The following ZMYM4 variants were observed in gnomAD, a reference collection of about 807,000 sequenced individuals.
ZMYM4 encodes zinc finger MYM-type containing 4.
ZMYM4 carries 31 observed loss-of-function variants against 183.2 expected under a neutral mutation model. That is an observed-to-expected ratio of 0.17 (90% CI 0.13 to 0.23). The LOEUF (loss-of-function observed/expected upper bound fraction) is 0.23. Among genes scored for constraint, ZMYM4 ranks in the 10% least tolerant of loss-of-function variants. The pLI, the probability that ZMYM4 is intolerant of heterozygous loss-of-function variation, is 1.00. For missense variants in ZMYM4, 1,273 were observed against 1,840.3 expected (o/e 0.69, Z 5.64); for synonymous variants, 592 against 631.2 (o/e 0.94, Z 0.93).
intron 1 of ZMYM4, among the ~76,000 whole-genome samples, chr1:35,286,794 TTTTTTTTTTTTTTTTTG>T (rs1640518924): frequency 6.7e-5 from 7 of 104,736 alleles, no homozygotes; most frequent in African/African-American, 2.7e-4. Context: ...TTTTTTTTTT[TTTTTTTTTTTTTTTTTG>T]TAGAGACAGG....
In ZMYM4 at chr1:35,361,519, A is replaced by G. The variant is rs1458657779; in HGVS notation, c.670-100A>G. The G allele has an allele frequency of 2.7e-5, 36 of 1,343,154 alleles. No homozygotes were observed. The East Asian group carries it at 8.7e-4, about 32-fold the overall frequency. 83.2% of individuals were successfully genotyped at this position (1,343,154 alleles called of 1,614,324 possible). On this transcript the variant is annotated intron_variant, in intron 4 of 29. Transcript: ENST00000314607. Reference sequence around the variant, plus strand: ...GATCCAAAAGCTAATGAATGTCCATAGAGTTCTTCATTTCCAATGAGCTTT... The same window carrying G: ...GATCCAAAAGCTAATGAATGTCCATGGAGTTCTTCATTTCCAATGAGCTTT...
chr1:35,399,902 GGA>G (rs1363270503), intron 23 of ZMYM4: 1 of 177,108 alleles, frequency 5.6e-6, no homozygotes. Context: ...GAGTACTTTG[GGA>G]GGCCAAGGCA....
rs76600651 is a variant in ZMYM4, at chr1:35,325,289, G to A, written c.40-71G>A. ...AAATTACAGCTCCTTGGGGAATAGG[G>A]AGGGATACCAAAAGAATGTATGATA... On this transcript the variant is annotated intron_variant, in intron 1 of 29. Coordinates refer to ENST00000314607, the MANE Select transcript of ZMYM4 (RefSeq NM_005095.3). The A allele has an allele frequency of 2.6e-3, 3,638 of 1,405,772 alleles. 75 individuals are homozygous for A. The African/African-American group carries it at 0.047, about 18-fold the overall frequency. The allele number at this position is 1,405,772 out of a possible 1,614,324, so 87.1% of individuals were successfully genotyped here. A position where few individuals can be genotyped will look rare whatever the true frequency, so the allele number is the denominator to read the frequency against.
Position 35,419,696 on chromosome 1 carries a change from A to G in ZMYM4, c.*19A>G. Reference sequence around the variant, plus strand: ...AGATTAAAACGGAAGTGAGGTTCTTATTTTCATACATATTGGTATGCACCA... The same window carrying G: ...AGATTAAAACGGAAGTGAGGTTCTTGTTTTCATACATATTGGTATGCACCA... On this transcript the variant is annotated 3_prime_UTR_variant, in exon 30 of 30. Coordinates refer to ENST00000314607, the MANE Select transcript of ZMYM4 (RefSeq NM_005095.3). 1 of 1,612,892 alleles carries G rather than the reference A, an allele frequency of 6.2e-7. No homozygotes were observed. The highest frequency in any genetic ancestry group is 8.5e-7 in the Non-Finnish European group (1 of 1,179,148).
chr1:35,369,319 T>C (rs2148931861), intron 5 of ZMYM4, among the ~76,000 whole-genome samples: 1 of 152,306 alleles, frequency 6.6e-6, no homozygotes, highest in Middle Eastern at 3.4e-3. Context: ...TGGTTACTCA[T>C]GACTTAAAAT....
intron 1 of ZMYM4, 114 bp from the exon 2 acceptor site, chr1:35,325,246 A>C: frequency 3.3e-6 from 3 of 902,762 alleles, no homozygotes; most frequent in Non-Finnish European, 4.9e-6. Context: ...TATATTGTGC[A>C]CTTGTCATTT....
At chr1:35,336,846 T>C (rs1404246042) in intron 2 of ZMYM4, among the ~76,000 whole-genome samples, 3 of 152,254 alleles carry the variant, frequency 2.0e-5, no homozygotes, top group Non-Finnish European at 4.4e-5. Context: ...CTCATGTCTC[T>C]ACAAAAGGGA....
At chr1:35,319,357 C>T (rs752584165) in intron 1 of ZMYM4, among the ~76,000 whole-genome samples, 1 of 151,642 alleles carries the variant, frequency 6.6e-6, no homozygotes, top group Non-Finnish European at 1.5e-5. Context: ...GGTGTGGTGG[C>T]TCATGCTTGC....
chr1:35,292,549 G>C (rs938964231), intron 1 of ZMYM4: 31 of 152,496 alleles, frequency 2.0e-4, no homozygotes, highest in African/African-American at 7.2e-4. Flanking sequence ...CCAGCCTGGA[G>C]TGCAATGGCA....
intron 5 of ZMYM4, 77 bp downstream of exon 5, chr1:35,361,866 A>C: frequency 6.6e-7 from 1 of 1,524,350 alleles, no homozygotes; most frequent in Non-Finnish European, 8.8e-7. Context: ...GAAGTGCTTA[A>C]GAAGTGAAAT....
Position 35,318,054 on chromosome 1 carries a change from G to GTTT in ZMYM4, c.40-7286_40-7284dup, listed in dbSNP as rs58071694. 2.2e-3 allele frequency among the ~76,000 whole-genome samples: 255 copies of GTTT among 116,586 alleles called. 7 individuals are homozygous for GTTT. The highest frequency in any genetic ancestry group is 4.9e-3 in the East Asian group (18 of 3,666). 76.5% of individuals were successfully genotyped at this position (116,586 alleles called of 152,430 possible). On this transcript the variant is annotated intron_variant, in intron 1 of 29. Transcript: ENST00000314607. ...TTCAAATTTAGAAGGGATTATGGCA[G>GTTT]TTTTTTTTTTTTTTTTTTTTTTGAG...
At position 35,317,504 on chromosome 1, in the gene ZMYM4, T is replaced by G. The variant is rs1437146643; in HGVS notation, c.40-7856T>G. 2.0e-5 allele frequency among the ~76,000 whole-genome samples: 3 copies of G among 152,190 alleles called. No homozygotes were observed. In the East Asian group the frequency reaches 5.8e-4, roughly 29 times the overall value. ...CGTAATTTAAATAAATTGTATAAAA[T>G]GTAGTCAATTTGGCTAGCATTCAGG... On this transcript the variant is annotated intron_variant, in intron 1 of 29. Coordinates refer to ENST00000314607, the MANE Select transcript of ZMYM4 (RefSeq NM_005095.3).
intron 1 of ZMYM4, among the ~76,000 whole-genome samples, chr1:35,282,262 C>T (rs192008791): frequency 6.6e-6 from 1 of 152,278 alleles, no homozygotes; most frequent in Admixed American, 6.5e-5. Flanking sequence ...GGGACACTGC[C>T]CTAATGAGTT....
intron 2 of ZMYM4, among the ~76,000 whole-genome samples, chr1:35,334,009 A>G (rs1232860666): frequency 6.6e-6 from 1 of 151,610 alleles, no homozygotes; most frequent in Non-Finnish European, 1.5e-5. Context: ...ATGTGGTTAG[A>G]TTCCAAAGAG....
rs764999346 is a variant in ZMYM4, at chr1:35,408,004, A to G, written c.3797-4A>G. Reference sequence around the variant, plus strand: ...TGTTTCAGATGTTTTCTACCTTTCCACAGTCCGCTCTATCAAGCTGAAGGA... The same window carrying G: ...TGTTTCAGATGTTTTCTACCTTTCCGCAGTCCGCTCTATCAAGCTGAAGGA... On this transcript the variant is annotated splice_region_variant and splice_polypyrimidine_tract_variant and intron_variant, in intron 25 of 29. Coordinates refer to ENST00000314607, the MANE Select transcript of ZMYM4 (RefSeq NM_005095.3). 2 of 1,613,996 alleles carry G rather than the reference A, an allele frequency of 1.2e-6. No homozygotes were observed. Among genetic ancestry groups the G allele is most frequent in the Non-Finnish European group, 1.7e-6 (2 of 1,180,020 alleles).
chr1:35,275,907 C>G (rs989979534), intron 1 of ZMYM4, among the ~76,000 whole-genome samples: 2 of 152,126 alleles, frequency 1.3e-5, no homozygotes, highest in African/African-American at 4.8e-5. Context: ...CTTATCCAAC[C>G]TTCTCATACC....
intron 7 of ZMYM4, among the ~76,000 whole-genome samples, chr1:35,374,327 C>G (rs889959265): frequency 6.6e-6 from 1 of 152,074 alleles, no homozygotes; most frequent in African/African-American, 2.4e-5. Flanking sequence ...AGCCACCGTG[C>G]CCGGCACTCA....
At chr1:35,404,922 C>A (rs967048474) in intron 23 of ZMYM4, 101 bp from the exon 24 acceptor site, 1 of 1,207,192 alleles carries the variant, frequency 8.3e-7, no homozygotes. Context: ...AAACTAAATT[C>A]TTTATTCTAC....
intron 2 of ZMYM4, among the ~76,000 whole-genome samples, chr1:35,340,845 C>T (rs949322285): frequency 3.3e-5 from 5 of 151,882 alleles, no homozygotes; most frequent in African/African-American, 1.2e-4. Context: ...GTTTGGGTAC[C>T]CCTGCTATAA....
Sources: allele counts gnomAD v4.1 joint callset (sites outside exome capture counted in the v4.1 genomes callset), GRCh38; gene constraint gnomAD v4.1.1; transcripts MANE v1.5; gene names NCBI Gene and HGNC (gene_info 2026-07-23, HGNC 2026-07-21).